MAPK14: variants seen among roughly 807,000 people sequenced by gnomAD.
The protein encoded by MAPK14 is CSAID-binding protein.
In MAPK14, 16 loss-of-function variants were observed where a neutral mutation model predicts 49.6. The observed-to-expected ratio is 0.32, with a 90% CI of 0.22 to 0.49. MAPK14 has a LOEUF of 0.49. Among genes scored for constraint, MAPK14 ranks in the 20% least tolerant of loss-of-function variants. The pLI, the probability that MAPK14 is intolerant of heterozygous loss-of-function variation, is 0.99. For missense variants in MAPK14, 200 were observed against 441.2 expected (o/e 0.45, Z 4.90); for synonymous variants, 142 against 158.0 (o/e 0.90, Z 0.76).
chr6:36,114,755 CAGT>C (rs770510981), downstream of MAPK14, among the ~76,000 whole-genome samples: 3 of 151,014 alleles, frequency 2.0e-5, no homozygotes, highest in African/African-American at 4.9e-5. Context: ...TAAAAAAAAA[CAGT>C]AGGTTGAGTA....
chr6:36,035,819 T>C (rs1181101639), intron 1 of MAPK14, among the ~76,000 whole-genome samples: 1 of 152,192 alleles, frequency 6.6e-6, no homozygotes, highest in South Asian at 2.1e-4. Context: ...CCTAACTCTC[T>C]TTAATTGTAT....
At chr6:36,103,782 CCCTA>C (rs1200017749) in intron 10 of MAPK14, among the ~76,000 whole-genome samples, 1 of 152,174 alleles carries the variant, frequency 6.6e-6, no homozygotes, top group African/African-American at 2.4e-5. Context: ...ACCAGGACCT[CCCTA>C]CAATAGGGAA....
intron 5 of MAPK14, 67 bp from the exon 6 acceptor site, chr6:36,073,982 A>T (rs1256219916): frequency 8.5e-7 from 1 of 1,172,728 alleles, no homozygotes; most frequent in African/African-American, 1.5e-5. Context: ...CCTCATTATT[A>T]CCTGTAGGGG....
the MAPK14 span, among the ~76,000 whole-genome samples, chr6:36,123,825 G>A: frequency 8.1e-3 from 1,241 of 152,308 alleles, 17 homozygotes; most frequent in African/African-American, 0.026. Context: ...TCTTTGTAGG[G>A]TGGAGTGGAG....
chr6:36,037,104 A>G (rs1169013733), intron 1 of MAPK14, among the ~76,000 whole-genome samples: 3 of 152,204 alleles, frequency 2.0e-5, no homozygotes, highest in Non-Finnish European at 2.9e-5. Flanking sequence ...CTGCTAGTGC[A>G]TACTTAATAG....
At chr6:36,030,195 A>G (rs1762484514) in intron 1 of MAPK14, among the ~76,000 whole-genome samples, 1 of 152,262 alleles carries the variant, frequency 6.6e-6, no homozygotes, top group South Asian at 2.1e-4. Flanking sequence ...GTTCGCTACT[A>G]TTGGTGACTA....
intron 8 of MAPK14, among the ~76,000 whole-genome samples, chr6:36,080,597 T>C (rs1273909050): frequency 2.0e-5 from 3 of 152,230 alleles, no homozygotes; most frequent in Non-Finnish European, 4.4e-5. Context: ...GTTCATCTGT[T>C]AGTAGACAGT....
chr6:36,113,836 G>T (rs1226271967), downstream of MAPK14, among the ~76,000 whole-genome samples: 1 of 152,180 alleles, frequency 6.6e-6, no homozygotes, highest in Non-Finnish European at 1.5e-5. Flanking sequence ...CAGGGCTAGA[G>T]CCCAGCCTTT....
At chr6:36,106,074 A>G (rs1765788664) in intron 10 of MAPK14, among the ~76,000 whole-genome samples, 2 of 152,240 alleles carry the variant, frequency 1.3e-5, no homozygotes, top group South Asian at 4.1e-4. Context: ...TGCTTTGGTC[A>G]AAGGGGAAAC....
downstream of MAPK14, among the ~76,000 whole-genome samples, chr6:36,111,576 C>T (rs767873750): frequency 1.9e-4 from 29 of 152,132 alleles, no homozygotes; most frequent in Non-Finnish European, 3.8e-4. Flanking sequence ...TAGCTGGCTA[C>T]GGTCCTTGAA....
At chr6:36,030,990 A>T (rs1762519400) in intron 1 of MAPK14, among the ~76,000 whole-genome samples, 1 of 152,260 alleles carries the variant, frequency 6.6e-6, no homozygotes, top group Non-Finnish European at 1.5e-5. Flanking sequence ...GTGTTATCTT[A>T]TTCAGAGATT....
chr6:36,100,284 T>G, intron 9 of MAPK14: 1 of 1,572,702 alleles, frequency 6.4e-7, no homozygotes, highest in Non-Finnish European at 8.8e-7. Flanking sequence ...ACAAAGAGAC[T>G]GTACAGGGAT....
downstream of MAPK14, among the ~76,000 whole-genome samples, chr6:36,114,550 G>A (rs978682067): frequency 1.2e-4 from 18 of 151,510 alleles, no homozygotes; most frequent in Non-Finnish European, 1.6e-4. Flanking sequence ...CCTGGGAGGC[G>A]GAGGTTGCAG....
the MAPK14 span, among the ~76,000 whole-genome samples, chr6:36,119,770 C>T: frequency 6.6e-6 from 1 of 151,962 alleles, no homozygotes; most frequent in African/African-American, 2.4e-5. Flanking sequence ...CAGGACGGCC[C>T]CCACAACGAG....
chr6:36,087,964 A>T (rs1157958041), intron 8 of MAPK14, among the ~76,000 whole-genome samples: 1 of 152,198 alleles, frequency 6.6e-6, no homozygotes, highest in East Asian at 1.9e-4. Context: ...AGATCTCAGA[A>T]ATAAAACTGC....
At chr6:36,094,954 G>C (rs891013056) in intron 8 of MAPK14, among the ~76,000 whole-genome samples, 1 of 152,172 alleles carries the variant, frequency 6.6e-6, no homozygotes, top group Non-Finnish European at 1.5e-5. Context: ...ATTTAGTCAT[G>C]TGAAAAACCT....
intron 8 of MAPK14, among the ~76,000 whole-genome samples, chr6:36,081,582 C>G (rs776933050): frequency 2.0e-5 from 3 of 152,054 alleles, no homozygotes; most frequent in Non-Finnish European, 2.9e-5. Flanking sequence ...ACTCTCAGTT[C>G]TATTCTATTG....
chr6:36,052,555 ATAGGTCATTT>A, intron 1 of MAPK14, 134 bp from the exon 2 acceptor site: 1 of 585,194 alleles, frequency 1.7e-6, no homozygotes. Context: ...TAATGGGATA[ATAGGTCATTT>A]TGCTTTTTAT....
intron 8 of MAPK14, among the ~76,000 whole-genome samples, chr6:36,086,140 G>A (rs780025473): frequency 6.6e-5 from 10 of 152,136 alleles, no homozygotes; most frequent in Non-Finnish European, 1.2e-4. Flanking sequence ...GAATCTCTGG[G>A]ACACAGCTAA....
Sources: gnomAD v4.1 joint callset for allele counts (sites outside exome capture counted in the v4.1 genomes callset) on GRCh38, gnomAD v4.1.1 for gene constraint, MANE v1.5 for transcripts, NCBI Gene and HGNC (gene_info 2026-07-23, HGNC 2026-07-21) for gene names.